C19orf44: variants seen among roughly 807,000 people sequenced by gnomAD.
C19orf44 encodes chromosome 19 open reading frame 44, also known as uncharacterized protein C19orf44.
In C19orf44, 43 loss-of-function variants were observed where a neutral mutation model predicts 50.7. That is an observed-to-expected ratio of 0.85 (90% CI 0.66 to 1.09). C19orf44 has a LOEUF of 1.09. Ranked by LOEUF, C19orf44 falls within the 50% of genes least tolerant of loss-of-function variation. The probability of loss-of-function intolerance (pLI) is 0.00; values close to 1 mark genes in which losing one functional copy is unlikely to be tolerated. For synonymous variants in C19orf44, 298 were observed against 334.7 expected (o/e 0.89, Z 1.20); for missense variants, 722 against 836.2 (o/e 0.86, Z 1.68).
intron 7 of C19orf44, among the ~76,000 whole-genome samples, chr19:16,515,276 G>A (rs1265327411): frequency 2.6e-5 from 4 of 152,120 alleles, no homozygotes; most frequent in African/African-American, 9.7e-5. Flanking sequence ...CAGGAGAGTC[G>A]CTTGAACCTG....
rs752059860 is a variant in C19orf44, at chr19:16,520,381, G to A, written c.*328G>A. On this transcript the variant is annotated 3_prime_UTR_variant, in exon 9 of 9. Transcript: ENST00000221671. The surrounding 1 kb of genome is among the most constrained non-coding windows in gnomAD (Gnocchi z 4.0). ...CTGCCTACCTAGATCTGGAGCGGGA[G>A]TAGGAACGGGAGCAGGAGCGCGACC... 26 of 1,614,094 alleles carry A rather than the reference G, an allele frequency of 1.6e-5. No individual in the cohort carries two copies. The highest frequency in any genetic ancestry group is 2.1e-5 in the Non-Finnish European group (25 of 1,179,992).
In C19orf44 at chr19:16,503,313, C is replaced by T. The variant is rs565938711; in HGVS notation, c.1008C>T (p.Ser336=). The T allele has an allele frequency of 6.2e-6, 10 of 1,614,170 alleles. No individual in the cohort carries two copies. Among genetic ancestry groups the T allele is most frequent in the African/African-American group, 4.0e-5 (3 of 75,054 alleles). ...LKMGHVKLVS[S]PGRSEAETVD... ...TGGGGCATGTCAAGCTTGTGTCCTC[C>T]CCGGGAAGGAGTGAGGCTGAGACTG... Residue 336 remains serine, a synonymous_variant, in exon 3 of 9, where the codon TCC becomes TCT. Transcript: ENST00000221671.
Position 16,519,391 on chromosome 19 carries a change from AG to A in C19orf44, c.*41-701del. On this transcript the variant is annotated intron_variant, in intron 8 of 8. Coordinates refer to ENST00000221671, the MANE Select transcript of C19orf44 (RefSeq NM_032207.4). This position sits in a 1 kb window ranked among gnomAD's most constrained non-coding sequence, Gnocchi z 6.0. ...CGCAGTCACAACCACAACAAGGCGG[AG>A]GCAGATGGGGGTGCACGTGGGGGGC... 1.3e-5 allele frequency: 20 copies of A among 1,591,074 alleles called. No individual in the cohort carries two copies. Among genetic ancestry groups the A allele is most frequent in the Non-Finnish European group, 1.6e-5 (19 of 1,168,240 alleles).
At chr19:16,498,039 C>T (rs1423607080) in intron 1 of C19orf44, among the ~76,000 whole-genome samples, 4 of 151,836 alleles carry the variant, frequency 2.6e-5, no homozygotes, top group Non-Finnish European at 5.9e-5. Flanking sequence ...CCCGGGAGGT[C>T]GAGGCTGTAG....
Position 16,520,584 on chromosome 19 carries a change from G to A in C19orf44, c.*531G>A. On this transcript the variant is annotated 3_prime_UTR_variant, in exon 9 of 9. Coordinates refer to ENST00000221671, the MANE Select transcript of C19orf44 (RefSeq NM_032207.4). This position sits in a 1 kb window ranked among gnomAD's most constrained non-coding sequence, Gnocchi z 4.0. Reference sequence around the variant, plus strand: ...GCCCACCCTGGCCCTCAGGTTCCTAGACCACCCCAGATGCAGGGGCTCTGG... The same window carrying A: ...GCCCACCCTGGCCCTCAGGTTCCTAAACCACCCCAGATGCAGGGGCTCTGG... 2 of 1,503,168 alleles carry A rather than the reference G, an allele frequency of 1.3e-6. No homozygotes were observed. Among genetic ancestry groups the A allele is most frequent in the Non-Finnish European group, 1.8e-6 (2 of 1,105,194 alleles). The allele number at this position is 1,503,168 out of a possible 1,614,324, so 93.1% of individuals were successfully genotyped here. A position where few individuals can be genotyped will look rare whatever the true frequency, so the allele number is the denominator to read the frequency against.
rs770662416 is a variant in C19orf44 at position 16,501,172 on chromosome 19, T to C, written c.380T>C (p.Leu127Pro). ...GACTCAATGACCGCCGATGCTGGTC[T>C]TCCAAAGAGAGCTGACAGAATCCTC... The part of the protein sequence containing the change: ...ESDSMTADAG[L>P]PKRADRILSG... Residue 127 changes from leucine (L) to proline (P), a missense_variant, in exon 2 of 9, where the codon CTT becomes CCT. Leu to Pro is a moderately conservative substitution (Grantham distance 98, BLOSUM62 -3). Transcript: ENST00000221671. The C allele has an allele frequency of 6.2e-7, 1 of 1,614,114 alleles. No individual in the cohort carries two copies. The highest frequency in any genetic ancestry group is 1.1e-5 in the South Asian group (1 of 91,084).
rs1012151094 is a variant in C19orf44 at position 16,513,120 on chromosome 19, G to A, written c.1735+11G>A. 2.5e-6 allele frequency: 4 copies of A among 1,612,506 alleles called. No individual in the cohort carries two copies. The highest frequency in any genetic ancestry group is 2.2e-5 in the East Asian group (1 of 44,858). On this transcript the variant is annotated intron_variant, in intron 6 of 8. Coordinates refer to ENST00000221671, the MANE Select transcript of C19orf44 (RefSeq NM_032207.4). Reference sequence around the variant, plus strand: ...CAGATGCAATAGAAGGTAACAGCCCGGCTCGGGGGATCCTTCCTGTCACAT... The same window carrying A: ...CAGATGCAATAGAAGGTAACAGCCCAGCTCGGGGGATCCTTCCTGTCACAT...
chr19:16,520,015 A>G lies in C19orf44; in HGVS notation c.*41-79A>G. 1 of 927,182 alleles carries G rather than the reference A, an allele frequency of 1.1e-6. No homozygotes were observed. Among genetic ancestry groups the G allele is most frequent in the Non-Finnish European group, 1.7e-6 (1 of 596,484 alleles). 57.4% of individuals were successfully genotyped at this position (927,182 alleles called of 1,614,324 possible). On this transcript the variant is annotated intron_variant, in intron 8 of 8. Coordinates refer to ENST00000221671, the MANE Select transcript of C19orf44 (RefSeq NM_032207.4). The surrounding 1 kb of genome is among the most constrained non-coding windows in gnomAD (Gnocchi z 4.0). ...CAAGTGGCTACTGTGGTGAAGGGTGAGGGGTGCCACTGTCCCCGGGCTAAT... is the reference window on the plus strand; with the variant it reads ...CAAGTGGCTACTGTGGTGAAGGGTGGGGGGTGCCACTGTCCCCGGGCTAAT...
At chr19:16,508,791 T>C (rs1425656419) in intron 4 of C19orf44, among the ~76,000 whole-genome samples, 1 of 151,732 alleles carries the variant, frequency 6.6e-6, no homozygotes, top group Non-Finnish European at 1.5e-5. Context: ...TCCTGCCGCC[T>C]CAGCCACCTA....
chr19:16,520,610 C>A lies in C19orf44; in HGVS notation c.*557C>A, dbSNP rs2085603439. 7.3e-7 allele frequency: 1 copy of A among 1,369,382 alleles called. No homozygotes were observed. The highest frequency in any genetic ancestry group is 1.0e-6 in the Non-Finnish European group (1 of 988,910). 84.8% of individuals were successfully genotyped at this position (1,369,382 alleles called of 1,614,324 possible). A position where few individuals can be genotyped will look rare whatever the true frequency, so the allele number is the denominator to read the frequency against. ...ACCACCCCAGATGCAGGGGCTCTGG[C>A]TGTGGATGTGGCGCCATAGCCACAG... On this transcript the variant is annotated 3_prime_UTR_variant, in exon 9 of 9. Coordinates refer to ENST00000221671, the MANE Select transcript of C19orf44 (RefSeq NM_032207.4). The surrounding 1 kb of genome is among the most constrained non-coding windows in gnomAD (Gnocchi z 4.0).
chr19:16,496,426 A>C lies in C19orf44; in HGVS notation c.-41A>C. On this transcript the variant is annotated 5_prime_UTR_variant, in exon 1 of 9. It removes an upstream start codon present in the reference 5' UTR. Coordinates refer to ENST00000221671, the MANE Select transcript of C19orf44 (RefSeq NM_032207.4). ...AGGGCAACCGCTCCTTCAGGCGTGA[A>C]TGTGGCGGCTGCCTCTGCGAATGGA... 2.5e-6 allele frequency: 1 copy of C among 404,614 alleles called. No individual in the cohort carries two copies. Among genetic ancestry groups the C allele is most frequent in the Non-Finnish European group, 4.6e-6 (1 of 217,074 alleles). 25.1% of individuals were successfully genotyped at this position (404,614 alleles called of 1,614,324 possible).
chr19:16,515,847 G>A (rs10425193), intron 7 of C19orf44, among the ~76,000 whole-genome samples: 57,022 of 151,182 alleles, frequency 0.38, 12,445 homozygotes, highest in African/African-American at 0.62. Flanking sequence ...CCCAGGCTGG[G>A]GTGCAATGGT....
At chr19:16,502,824 C>CAAAA (rs200824240) in intron 2 of C19orf44, among the ~76,000 whole-genome samples, 1 of 122,906 alleles carries the variant, frequency 8.1e-6, no homozygotes. Flanking sequence ...CCCATTCCTA[C>CAAAA]AAAAAAAAAA....
intron 7 of C19orf44, among the ~76,000 whole-genome samples, chr19:16,514,976 C>A (rs1283405781): frequency 2.6e-5 from 4 of 152,220 alleles, no homozygotes; most frequent in Non-Finnish European, 4.4e-5. Context: ...CTGTCCCTTT[C>A]CCTGAGCCTC....
Position 16,499,936 on chromosome 19 carries a change from G to A in C19orf44, c.-1-856G>A, listed in dbSNP as rs370844168. Among the ~76,000 whole-genome samples, 140 of 151,870 alleles carry A rather than the reference G, an allele frequency of 9.2e-4. 2 individuals carry two copies. The South Asian group carries it at 0.028, about 31-fold the overall frequency. On this transcript the variant is annotated intron_variant, in intron 1 of 8. Transcript: ENST00000221671. ...TCCTAAGTAGCTGGGACTACAGGTGGTGCCACCAGGCCCGGCTAATTTTTG... is the reference window on the plus strand; with the variant it reads ...TCCTAAGTAGCTGGGACTACAGGTGATGCCACCAGGCCCGGCTAATTTTTG...
intron 2 of C19orf44, among the ~76,000 whole-genome samples, chr19:16,502,298 C>T: frequency 7.0e-6 from 1 of 142,410 alleles, no homozygotes; most frequent in East Asian, 2.1e-4. Context: ...AGTGCAGTGG[C>T]CTGATCTCGG....
chr19:16,509,743 G>A lies in C19orf44; in HGVS notation c.1394G>A (p.Ser465Asn), dbSNP rs1232382037. The A allele has an allele frequency of 1.2e-6, 2 of 1,614,140 alleles. No individual in the cohort carries two copies. The highest frequency in any genetic ancestry group is 2.7e-5 in the African/African-American group (2 of 74,952). The change falls in exon 5 of 9, where the codon AGC (serine) becomes AAC (asparagine). Residue 465 changes from serine (S) to asparagine (N), a missense_variant. By Grantham distance (46) the Ser-to-Asn change is conservative. Transcript: ENST00000221671. ...GAAGCCCCCATGGTGAACACAGTCA[G>A]CTCAGCTTATTCGGAGGATTTTGAA... is the stretch of plus-strand genomic sequence containing the variant. ...PSEAPMVNTV[S>N]SAYSEDFENS...
Position 16,496,477 on chromosome 19 carries a change from T to G in C19orf44, c.-2+12T>G. ...CGGCGTGGGAAGAGGTCGGCAGGGC[T>G]GGTGGGGAGGTGACCTAGCTGGGCG... On this transcript the variant is annotated intron_variant, in intron 1 of 8. Coordinates refer to ENST00000221671, the MANE Select transcript of C19orf44 (RefSeq NM_032207.4). 3.0e-6 allele frequency: 1 copy of G among 336,150 alleles called. No homozygotes were observed. The highest frequency in any genetic ancestry group is 5.7e-6 in the Non-Finnish European group (1 of 174,210). 20.8% of individuals were successfully genotyped at this position (336,150 alleles called of 1,614,324 possible).
Position 16,517,331 on chromosome 19 carries a change from C to G in C19orf44, c.*30C>G, listed in dbSNP as rs760091318. 18 of 1,603,100 alleles carry G rather than the reference C, an allele frequency of 1.1e-5. No homozygotes were observed. The highest frequency in any genetic ancestry group is 1.5e-5 in the Non-Finnish European group (18 of 1,170,662). On this transcript the variant is annotated 3_prime_UTR_variant, in exon 8 of 9. Transcript: ENST00000221671. ...CAGCAGGTGGAGCTTGACGTGACGT[C>G]TTAACAAAAGGTATCCCGTCCTGTG...
Sources: allele counts gnomAD v4.1 joint callset (sites outside exome capture counted in the v4.1 genomes callset), GRCh38; gene constraint gnomAD v4.1.1; non-coding constraint Gnocchi (gnomAD v3.1); transcripts MANE v1.5; gene names NCBI Gene and HGNC (gene_info 2026-07-23, HGNC 2026-07-21).